CMTM4: variants seen among roughly 807,000 people sequenced by gnomAD.
CMTM4 encodes the protein CKLF-like MARVEL transmembrane domain-containing protein 4.
CMTM4 carries 8 observed loss-of-function variants against 19.0 expected under a neutral mutation model. The observed-to-expected ratio is 0.42, with a 90% CI of 0.25 to 0.76. CMTM4 has a LOEUF of 0.76. Ranked by LOEUF, CMTM4 falls within the 30% of genes least tolerant of loss-of-function variation. CMTM4 has a pLI of 0.27. For missense variants in CMTM4, 228 were observed against 290.2 expected (o/e 0.79, Z 1.56); for synonymous variants, 106 against 121.1 (o/e 0.88, Z 0.82).
intron 1 of CMTM4, among the ~76,000 whole-genome samples, chr16:66,663,532 CTTTTTTTTTTTT>C (rs1178140315): frequency 0.021 from 1,157 of 55,208 alleles, 8 homozygotes; most frequent in African/African-American, 0.068. Context: ...TTTTCATTTG[CTTTTTTTTTTTT>C]TTTTTTTTTT....
intron 2 of CMTM4, among the ~76,000 whole-genome samples, chr16:66,630,990 C>G (rs947264680): frequency 6.6e-6 from 1 of 151,586 alleles, no homozygotes; most frequent in African/African-American, 2.4e-5. Flanking sequence ...CCCAGCTGCC[C>G]CGTCTGAGAA....
At chr16:66,665,861 G>A (rs2016582704) in intron 1 of CMTM4, among the ~76,000 whole-genome samples, 1 of 151,768 alleles carries the variant, frequency 6.6e-6, no homozygotes, top group African/African-American at 2.4e-5. Context: ...TTGAGGTTAG[G>A]AGTTCGAGAC....
intron 1 of CMTM4, among the ~76,000 whole-genome samples, chr16:66,674,891 G>A (rs1255999306): frequency 1.3e-5 from 2 of 151,388 alleles, no homozygotes; most frequent in Non-Finnish European, 2.9e-5. Context: ...ACAGGTGCCT[G>A]CCACCACACC....
rs2015511020 is a variant in CMTM4, at chr16:66,615,590, A to G, written c.*6468T>C. 6.6e-6 allele frequency: 1 copy of G among 152,338 alleles called. No homozygotes were observed. The highest frequency in any genetic ancestry group is 6.5e-5 in the Admixed American group (1 of 15,280). The allele number at this position is 152,338 out of a possible 1,614,324, so 9.4% of individuals were successfully genotyped here. On this transcript the variant is annotated 3_prime_UTR_variant, in exon 4 of 4. Transcript: ENST00000394106. The surrounding 1 kb of genome is among the most constrained non-coding windows in gnomAD (Gnocchi z 4.9). ...AACCAATCTGAGATCCGAGTGGAAG[A>G]TGAGAGCCCCGGAGCTGGCTGAGGT...
intron 1 of CMTM4, among the ~76,000 whole-genome samples, chr16:66,684,856 C>G (rs1198954411): frequency 6.6e-6 from 1 of 152,078 alleles, no homozygotes; most frequent in African/African-American, 2.4e-5. Flanking sequence ...GCTGACAGGC[C>G]GAAGCCATCC....
intron 2 of CMTM4, among the ~76,000 whole-genome samples, chr16:66,628,902 T>A (rs1341276212): frequency 1.3e-5 from 2 of 152,262 alleles, no homozygotes; most frequent in Non-Finnish European, 2.9e-5. Flanking sequence ...TTATAGATAA[T>A]GTAGCTATGA....
At chr16:66,679,524 G>A (rs886970462) in intron 1 of CMTM4, among the ~76,000 whole-genome samples, 1 of 151,994 alleles carries the variant, frequency 6.6e-6, no homozygotes, top group South Asian at 2.1e-4. Context: ...CCAAGTCAAT[G>A]TAAGATGGGA....
chr16:66,621,569 G>A lies in CMTM4; in HGVS notation c.*489C>T, dbSNP rs2015635090. The A allele has an allele frequency of 1.0e-6, 1 of 988,738 alleles. No homozygotes were observed. Among genetic ancestry groups the A allele is most frequent in the South Asian group, 4.6e-5 (1 of 21,506 alleles). The allele number at this position is 988,738 out of a possible 1,614,324, so 61.2% of individuals were successfully genotyped here. On this transcript the variant is annotated 3_prime_UTR_variant, in exon 4 of 4. Transcript: ENST00000394106. Reference sequence around the variant, plus strand: ...GCCTTTGGGCTGGTGCTGGCTGCCTGGGGGCCCTGGCATGGAAGATGAGGA... The same window carrying A: ...GCCTTTGGGCTGGTGCTGGCTGCCTAGGGGCCCTGGCATGGAAGATGAGGA...
chr16:66,605,047 C>A, the CMTM4 span: 1 of 1,174,014 alleles, frequency 8.5e-7, no homozygotes, highest in Non-Finnish European at 1.1e-6. This position sits in a 1 kb window ranked among gnomAD's most constrained non-coding sequence, Gnocchi z 4.6. Flanking sequence ...GGGGCGGCCG[C>A]CGTGCTCCGA....
At chr16:66,666,004 G>A (rs1247984104) in intron 1 of CMTM4, among the ~76,000 whole-genome samples, 4 of 150,788 alleles carry the variant, frequency 2.7e-5, no homozygotes, top group African/African-American at 4.9e-5. Context: ...CCCAGGAAAC[G>A]GAGGTTGCAG....
At chr16:66,661,313 T>C (rs2016495375) in intron 1 of CMTM4, among the ~76,000 whole-genome samples, 1 of 152,174 alleles carries the variant, frequency 6.6e-6, no homozygotes, top group African/African-American at 2.4e-5. Flanking sequence ...AAGATTCAGC[T>C]ACAGGAATAT....
intron 1 of CMTM4, among the ~76,000 whole-genome samples, chr16:66,694,418 G>T (rs1035284152): frequency 6.6e-6 from 1 of 152,022 alleles, no homozygotes; most frequent in African/African-American, 2.4e-5. Flanking sequence ...TCTTTTAAAA[G>T]GCAATTGCAG....
chr16:66,609,023 G>A, the CMTM4 span, among the ~76,000 whole-genome samples: 1 of 152,218 alleles, frequency 6.6e-6, no homozygotes, highest in Non-Finnish European at 1.5e-5. This position sits in a 1 kb window ranked among gnomAD's most constrained non-coding sequence, Gnocchi z 4.4. Flanking sequence ...TCTTAGGGAC[G>A]GATAAGCAGA....
intron 1 of CMTM4, among the ~76,000 whole-genome samples, chr16:66,652,008 A>G (rs2016319642): frequency 6.6e-6 from 1 of 152,232 alleles, no homozygotes; most frequent in Non-Finnish European, 1.5e-5. Flanking sequence ...ACCTGAGGGT[A>G]GCAAAGAAGT....
chr16:66,631,796 A>T (rs1414649436), intron 2 of CMTM4, among the ~76,000 whole-genome samples: 1 of 152,176 alleles, frequency 6.6e-6, no homozygotes, highest in Non-Finnish European at 1.5e-5. Flanking sequence ...AACACTGCGG[A>T]AGGCCACAGG....
rs888242976 is a variant in CMTM4 at position 66,615,055 on chromosome 16, AG to A, written c.*7002del. The A allele has an allele frequency of 5.3e-5, 8 of 152,260 alleles. No individual in the cohort carries two copies. The highest frequency in any genetic ancestry group is 1.9e-4 in the African/African-American group (8 of 41,466). The allele number at this position is 152,260 out of a possible 1,614,324, so 9.4% of individuals were successfully genotyped here. ...CAGGCCAGCCAGGGGACGCCCACCC[AG>A]GGCTTCCACGTCAGCTGAAAAACCA... On this transcript the variant is annotated 3_prime_UTR_variant, in exon 4 of 4. Transcript: ENST00000394106. The surrounding 1 kb of genome is among the most constrained non-coding windows in gnomAD (Gnocchi z 4.9).
At chr16:66,681,663 T>C (rs2144904443) in intron 1 of CMTM4, among the ~76,000 whole-genome samples, 1 of 152,330 alleles carries the variant, frequency 6.6e-6, no homozygotes, top group African/African-American at 2.4e-5. Context: ...TCTCAATTCG[T>C]ACCAGCCACA....
chr16:66,612,557 G>A, downstream of CMTM4: 1 of 1,600,914 alleles, frequency 6.2e-7, no homozygotes, highest in Non-Finnish European at 8.5e-7. This position sits in a 1 kb window ranked among gnomAD's most constrained non-coding sequence, Gnocchi z 6.0. Flanking sequence ...ACCGTTCCCA[G>A]GCACCGCTGC....
chr16:66,612,737 T>C (rs2015429290), downstream of CMTM4: 1 of 1,205,582 alleles, frequency 8.3e-7, no homozygotes, highest in Non-Finnish European at 1.2e-6. The surrounding 1 kb of genome is among the most constrained non-coding windows in gnomAD (Gnocchi z 6.0). Flanking sequence ...ACTTCTGAGT[T>C]GCAGAGGGGG....
Sources: gnomAD v4.1 joint callset for allele counts (sites outside exome capture counted in the v4.1 genomes callset) on GRCh38, gnomAD v4.1.1 for gene constraint, Gnocchi (gnomAD v3.1) non-coding constraint, MANE v1.5 for transcripts, NCBI Gene and HGNC (gene_info 2026-07-23, HGNC 2026-07-21) for gene names.